The following TMEM108 variants were observed in gnomAD, a reference collection of about 807,000 sequenced individuals.
TMEM108 encodes transmembrane protein 108.
In TMEM108, 12 loss-of-function variants were observed where a neutral mutation model predicts 35.1. That is an observed-to-expected ratio of 0.34 (90% CI 0.22 to 0.55). TMEM108 has a LOEUF of 0.55. Ranked by LOEUF, TMEM108 falls within the 20% of genes least tolerant of loss-of-function variation. The probability of loss-of-function intolerance (pLI) is 0.89; values close to 1 mark genes in which losing one functional copy is unlikely to be tolerated. For missense variants in TMEM108, 680 were observed against 753.3 expected, an observed-to-expected ratio of 0.90 and a Z score of 1.14; for synonymous variants, 287 against 308.6, an observed-to-expected ratio of 0.93 and a Z score of 0.73.
In TMEM108 at chr3:133,380,468, G is replaced by A; in HGVS notation, c.757G>A (p.Val253Met). The change falls in exon 4 of 6, where the codon GTG becomes ATG. Residue 253 changes from valine to methionine, a missense_variant. By Grantham distance (21) the Val-to-Met change is conservative (BLOSUM62 1). Transcript: ENST00000321871. The surrounding 1 kb of genome is among the most constrained non-coding windows in gnomAD (Gnocchi z 5.3). ...GYSSSPQPQT[V>M]AATTVPSNTS... ...CTCCTCTTCACCACAGCCCCAGACA[G>A]TGGCTGCGACCACAGTGCCCAGCAA... is the stretch of plus-strand genomic sequence containing the variant. 1 of 1,614,006 alleles carries A rather than the reference G, an allele frequency of 6.2e-7. No individual in the cohort carries two copies. The highest frequency in any genetic ancestry group is 8.5e-7 in the Non-Finnish European group (1 of 1,179,990).
chr3:133,369,697 G>A (rs938230), intron 3 of TMEM108, among the ~76,000 whole-genome samples: 82,791 of 152,066 alleles, frequency 0.54, 22,846 homozygotes, highest in African/African-American at 0.65. Flanking sequence ...ACATCAGTAG[G>A]TAAATTTGAT....
intron 2 of TMEM108, among the ~76,000 whole-genome samples, chr3:133,226,601 C>G (rs1478760121): frequency 6.6e-6 from 1 of 152,134 alleles, no homozygotes; most frequent in African/African-American, 2.4e-5. Context: ...TAAGGCATGT[C>G]TGGCCCCCAC....
rs1470484224 is a variant in TMEM108 at position 133,184,039 on chromosome 3, A to G, written c.-46-45227A>G. On this transcript the variant is annotated intron_variant, in intron 2 of 5. Transcript: ENST00000321871. ...CCAGTGGATGCCAGGCAGTACAGACAAAAGAACTGGCACAGCCTGCGTAAC... is the reference window on the plus strand; with the variant it reads ...CCAGTGGATGCCAGGCAGTACAGACGAAAGAACTGGCACAGCCTGCGTAAC... 5.3e-5 allele frequency among the ~76,000 whole-genome samples: 8 copies of G among 152,316 alleles called. No individual in the cohort carries two copies. The East Asian group carries it at 1.5e-3, about 29-fold the overall frequency.
chr3:133,366,044 A>ACCT (rs1174505038), intron 3 of TMEM108, among the ~76,000 whole-genome samples: 1 of 152,218 alleles, frequency 6.6e-6, no homozygotes, highest in African/African-American at 2.4e-5. Flanking sequence ...TGAATGTGTG[A>ACCT]CCTTGGATAA....
At chr3:133,354,275 G>A (rs1274564862) in intron 3 of TMEM108, among the ~76,000 whole-genome samples, 1 of 152,158 alleles carries the variant, frequency 6.6e-6, no homozygotes, top group African/African-American at 2.4e-5. Context: ...CACCACATCA[G>A]GGGTCTGCTG....
At position 133,343,949 on chromosome 3, in the gene TMEM108, C is replaced by T. The variant is rs148496647; in HGVS notation, c.41-35803C>T. ...ACTGCATAGGTCTACTTATACACAA[C>T]CTTTTTCCAACCAAACCATATCAAA... On this transcript the variant is annotated intron_variant, in intron 3 of 5. Transcript: ENST00000321871. 2.3e-3 allele frequency among the ~76,000 whole-genome samples: 348 copies of T among 151,954 alleles called. 4 individuals are homozygous for T. The highest frequency in any genetic ancestry group is 7.9e-3 in the African/African-American group (330 of 41,532).
At chr3:133,164,986 C>T (rs1945016410) in intron 2 of TMEM108, among the ~76,000 whole-genome samples, 1 of 125,112 alleles carries the variant, frequency 8.0e-6, no homozygotes, top group Non-Finnish European at 1.7e-5. Context: ...TGTACACTTA[C>T]AGTAACAAAG....
At chr3:133,281,974 G>A (rs571536568) in intron 3 of TMEM108, among the ~76,000 whole-genome samples, 3 of 152,194 alleles carry the variant, frequency 2.0e-5, no homozygotes, top group Non-Finnish European at 4.4e-5. Context: ...TGGCTAACAC[G>A]GTGAAACTCC....
chr3:133,131,377 G>A (rs906565272), intron 2 of TMEM108, among the ~76,000 whole-genome samples: 11 of 151,046 alleles, frequency 7.3e-5, no homozygotes, highest in Non-Finnish European at 1.5e-4. Context: ...TGCATTGGGC[G>A]AGTCTATCAA....
intron 2 of TMEM108, among the ~76,000 whole-genome samples, chr3:133,092,187 CA>C (rs1462250650): frequency 6.6e-6 from 1 of 152,166 alleles, no homozygotes; most frequent in Non-Finnish European, 1.5e-5. Flanking sequence ...ATTTTATAAA[CA>C]GTTTAGTAAT....
intron 3 of TMEM108, among the ~76,000 whole-genome samples, chr3:133,332,357 C>T (rs1424667991): frequency 2.6e-5 from 4 of 152,194 alleles, no homozygotes; most frequent in Non-Finnish European, 5.9e-5. Context: ...AGCCACTCCT[C>T]ATATTAGGAA....
chr3:133,230,334 G>A (rs901938178), intron 3 of TMEM108, among the ~76,000 whole-genome samples: 6 of 152,180 alleles, frequency 3.9e-5, no homozygotes, highest in African/African-American at 1.2e-4. Context: ...CTGGCCGGGC[G>A]TTTTAATTGA....
intron 2 of TMEM108, among the ~76,000 whole-genome samples, chr3:133,081,218 G>T (rs932614908): frequency 6.6e-6 from 1 of 152,190 alleles, no homozygotes; most frequent in African/African-American, 2.4e-5. Context: ...TTTGACAAGA[G>T]AAATTTGTTT....
At chr3:133,366,723 AC>A (rs2072510078) in intron 3 of TMEM108, among the ~76,000 whole-genome samples, 1 of 152,194 alleles carries the variant, frequency 6.6e-6, no homozygotes, top group African/African-American at 2.4e-5. Flanking sequence ...GAGGGTGAGT[AC>A]CCTTATAATC....
chr3:133,326,327 G>A (rs1341849964), intron 3 of TMEM108, among the ~76,000 whole-genome samples: 1 of 152,066 alleles, frequency 6.6e-6, no homozygotes, highest in Admixed American at 6.6e-5. Context: ...CTCCTATTCT[G>A]GGTCTTTGGC....
intron 2 of TMEM108, among the ~76,000 whole-genome samples, chr3:133,134,016 C>T (rs960516870): frequency 3.3e-5 from 5 of 151,986 alleles, no homozygotes; most frequent in Non-Finnish European, 7.4e-5. Flanking sequence ...CCCACCTCAG[C>T]CTCCCAAAGT....
chr3:133,048,610 C>A (rs1046250354), intron 2 of TMEM108, among the ~76,000 whole-genome samples: 2 of 152,152 alleles, frequency 1.3e-5, no homozygotes, highest in African/African-American at 4.8e-5. Context: ...TTTGCATTCC[C>A]CCTTGCTGTG....
chr3:133,088,528 T>G (rs1299306355), intron 2 of TMEM108, among the ~76,000 whole-genome samples: 2 of 152,200 alleles, frequency 1.3e-5, no homozygotes, highest in African/African-American at 4.8e-5. Context: ...TAGCAAAGCT[T>G]AGGTCCTTGT....
intron 2 of TMEM108, among the ~76,000 whole-genome samples, chr3:133,136,107 A>G (rs1559843764): frequency 6.6e-6 from 1 of 152,232 alleles, no homozygotes; most frequent in Non-Finnish European, 1.5e-5. Flanking sequence ...ATTTTCTGCA[A>G]TAAAGTGTAA....
Sources: allele counts gnomAD v4.1 joint callset (sites outside exome capture counted in the v4.1 genomes callset), GRCh38; gene constraint gnomAD v4.1.1; non-coding constraint Gnocchi (gnomAD v3.1); transcripts MANE v1.5; gene names NCBI Gene and HGNC (gene_info 2026-07-23, HGNC 2026-07-21).